The following MMD2 variants were observed in gnomAD, a reference collection of about 807,000 sequenced individuals.
MMD2 encodes monocyte to macrophage differentiation associated 2, also known as monocyte to macrophage differentiation factor 2.
Under a neutral mutation model 33.5 loss-of-function variants are expected in MMD2, and 30 were observed. The ratio of observed to expected loss-of-function variants is 0.90; its 90% confidence interval spans 0.67 to 1.22. MMD2 has a LOEUF of 1.22. Among genes scored for constraint, MMD2 ranks in the 50% most tolerant of loss-of-function variants. MMD2 has a pLI of 0.00. For missense variants in MMD2, 364 were observed against 325.4 expected (o/e 1.12, Z -0.91); for synonymous variants, 129 against 123.0 (o/e 1.05, Z -0.32).
rs761193033 is a variant in MMD2, at chr7:4,920,287, G to A, written c.174C>T (p.Phe58=). The A allele has an allele frequency of 3.1e-6, 5 of 1,608,938 alleles. No homozygotes were observed. In the Admixed American group the frequency reaches 8.4e-5, roughly 27 times the overall value. The change falls in exon 3 of 7, where the codon TTC becomes TTT. Residue 58 remains phenylalanine, a synonymous_variant. Coordinates refer to ENST00000401401, the MANE Select transcript of MMD2 (RefSeq NM_198403.4). Reference sequence around the variant, plus strand: ...TGGTCTCCCAGTCATCGTCCGACAGGAAGTAGAGGTTGGAGCTGCCCAGGA... The same window carrying A: ...TGGTCTCCCAGTCATCGTCCGACAGAAAGTAGAGGTTGGAGCTGCCCAGGA... ...PSILGSSNLY[F]LSDDDWETIS... is the part of the protein sequence containing the mutation.
chr7:4,895,972 G>A, the MMD2 span, among the ~76,000 whole-genome samples: 10 of 152,124 alleles, frequency 6.6e-5, no homozygotes, highest in Non-Finnish European at 8.8e-5. Flanking sequence ...TCCTGCCCAC[G>A]TTTTCCCATC....
At chr7:4,956,686 C>G (rs1786389462) in intron 1 of MMD2, among the ~76,000 whole-genome samples, 2 of 152,140 alleles carry the variant, frequency 1.3e-5, no homozygotes, top group African/African-American at 4.8e-5. Context: ...TTTAGACCAG[C>G]TCTCATGACT....
chr7:4,916,026 A>G lies in MMD2; in HGVS notation c.344T>C (p.Ile115Thr), dbSNP rs1156482730. Residue 115 changes from isoleucine (I) to threonine (T), a missense_variant, in exon 4 of 7, where the codon ATA (isoleucine) becomes ACA (threonine). Transcript: ENST00000401401. ...MFDRMVIYFF[I>T]AASYAPWLNL... ...TCACCAGGGTGCGTAGGAAGCCGCT[A>G]TGAAGAAATAGATGACCATCCGGTC... 2 of 1,613,930 alleles carry G rather than the reference A, an allele frequency of 1.2e-6. No individual in the cohort carries two copies. The highest frequency in any genetic ancestry group is 8.5e-7 in the Non-Finnish European group (1 of 1,179,866).
chr7:4,954,172 A>G (rs1056998680), intron 1 of MMD2, among the ~76,000 whole-genome samples: 1 of 152,072 alleles, frequency 6.6e-6, no homozygotes, highest in African/African-American at 2.4e-5. Context: ...GTGGTATCTC[A>G]TTTTGCATTG....
intron 4 of MMD2, among the ~76,000 whole-genome samples, chr7:4,913,099 C>A (rs1785056445): frequency 6.6e-6 from 1 of 151,984 alleles, no homozygotes; most frequent in South Asian, 2.1e-4. Context: ...TTAAGTAACA[C>A]CGAAAAGTTT....
At chr7:4,915,881 G>A (rs1189633066) in intron 4 of MMD2, 124 bp downstream of exon 4, 75 of 838,700 alleles carry the variant, frequency 8.9e-5, no homozygotes, top group Non-Finnish European at 1.2e-4. Context: ...AAAGGGTGGC[G>A]GGAAGCTTTT....
chr7:4,935,374 A>C (rs527691880), intron 1 of MMD2, among the ~76,000 whole-genome samples: 46 of 151,582 alleles, frequency 3.0e-4, no homozygotes, highest in Admixed American at 5.9e-4. Flanking sequence ...AATACTGACG[A>C]CTGGGCTCCA....
At chr7:4,930,114 A>C (rs1785536050) in intron 1 of MMD2, among the ~76,000 whole-genome samples, 1 of 151,132 alleles carries the variant, frequency 6.6e-6, no homozygotes, top group Non-Finnish European at 1.5e-5. Flanking sequence ...CTAAAAATAC[A>C]AAAAAAATAG....
chr7:4,927,517 G>C (rs551660168), intron 1 of MMD2, among the ~76,000 whole-genome samples: 1 of 151,900 alleles, frequency 6.6e-6, no homozygotes, highest in Non-Finnish European at 1.5e-5. Flanking sequence ...CTCCAACCTG[G>C]GCGACAGAGT....
chr7:4,893,128 C>T, the MMD2 span, among the ~76,000 whole-genome samples: 1 of 151,770 alleles, frequency 6.6e-6, no homozygotes, highest in Non-Finnish European at 1.5e-5. Flanking sequence ...ATGGGGTCTA[C>T]ACGCACTCCC....
At chr7:4,937,503 CT>C (rs1785775285) in intron 1 of MMD2, among the ~76,000 whole-genome samples, 1 of 151,952 alleles carries the variant, frequency 6.6e-6, no homozygotes, top group Non-Finnish European at 1.5e-5. Flanking sequence ...TTATTTTTTG[CT>C]GTTTTGTTTT....
At chr7:4,918,323 T>C (rs563342115) in intron 3 of MMD2, among the ~76,000 whole-genome samples, 1 of 152,184 alleles carries the variant, frequency 6.6e-6, no homozygotes, top group Non-Finnish European at 1.5e-5. Flanking sequence ...ATTTGACTAA[T>C]GATTGTATGC....
chr7:4,949,880 C>T (rs1448223242), intron 1 of MMD2, among the ~76,000 whole-genome samples: 1 of 152,098 alleles, frequency 6.6e-6, no homozygotes, highest in Non-Finnish European at 1.5e-5. Flanking sequence ...ACAATTTGAT[C>T]ATAATTTTGC....
At chr7:4,954,071 ATCCTC>A (rs1786322801) in intron 1 of MMD2, among the ~76,000 whole-genome samples, 1 of 151,974 alleles carries the variant, frequency 6.6e-6, no homozygotes, top group Non-Finnish European at 1.5e-5. Context: ...GCCTCCAGAG[ATCCTC>A]GCACCTCAGC....
intron 1 of MMD2, among the ~76,000 whole-genome samples, chr7:4,933,690 T>A (rs575824081): frequency 1.3e-5 from 2 of 152,120 alleles, no homozygotes; most frequent in South Asian, 2.1e-4. Context: ...TGGAGTGCAG[T>A]GGTGTCATCA....
At chr7:4,937,615 G>A (rs1276471921) in intron 1 of MMD2, among the ~76,000 whole-genome samples, 3 of 152,112 alleles carry the variant, frequency 2.0e-5, no homozygotes, top group Admixed American at 6.6e-5. Context: ...TTCAAGCGAT[G>A]TTCCTGCTTC....
At position 4,925,178 on chromosome 7, in the gene MMD2, A is replaced by C. The variant is rs562569751; in HGVS notation, c.129+273T>G. Among the ~76,000 whole-genome samples the C allele has an allele frequency of 1.3e-3, 196 of 152,072 alleles. 1 individual carries two copies. Among genetic ancestry groups the C allele is most frequent in the African/African-American group, 4.3e-3 (179 of 41,506 alleles). ...ACTCCTGACCTCAGGTGATCTGCCC[A>C]CCTCAGCCTTCCAAAGTGCTGGAAT... On this transcript the variant is annotated intron_variant, in intron 2 of 6. Transcript: ENST00000401401.
chr7:4,936,893 C>A lies in MMD2; in HGVS notation c.48-11361G>T, dbSNP rs1397514090. Among the ~76,000 whole-genome samples, 6 of 151,640 alleles carry A rather than the reference C, an allele frequency of 4.0e-5. No homozygotes were observed. The East Asian group carries it at 1.2e-3, about 30-fold the overall frequency. On this transcript the variant is annotated intron_variant, in intron 1 of 6. Coordinates refer to ENST00000401401, the MANE Select transcript of MMD2 (RefSeq NM_198403.4). ...GGGATGACAGGTGTTTGCCACTACA[C>A]CTGGCTAATTTTTTTTATTTTTAGT...
In MMD2 at chr7:4,931,210, A is replaced by G. The variant is rs111817585; in HGVS notation, c.48-5678T>C. 1.4e-3 allele frequency among the ~76,000 whole-genome samples: 214 copies of G among 152,092 alleles called. 1 individual carries two copies. The highest frequency in any genetic ancestry group is 4.6e-3 in the African/African-American group (190 of 41,474). ...AAGGGTCTTGCTCTGTGGCCCCACT[A>G]TCATAGCTCACTGCAGCCTCGACCT... is the stretch of plus-strand genomic sequence containing the variant. On this transcript the variant is annotated intron_variant, in intron 1 of 6. Coordinates refer to ENST00000401401, the MANE Select transcript of MMD2 (RefSeq NM_198403.4).
Sources: allele counts gnomAD v4.1 joint callset (sites outside exome capture counted in the v4.1 genomes callset), GRCh38; gene constraint gnomAD v4.1.1; transcripts MANE v1.5; gene names NCBI Gene and HGNC (gene_info 2026-07-23, HGNC 2026-07-21).